Variants in ZNF493 observed in about 807,000 individuals in gnomAD.
ZNF493 encodes zinc finger protein 493.
A neutral mutation model predicts 12.2 loss-of-function variants in ZNF493; 11 were observed. The ratio of observed to expected loss-of-function variants is 0.90; its 90% confidence interval spans 0.57 to 1.50. The LOEUF (loss-of-function observed/expected upper bound fraction) is 1.50. ZNF493 is among the 40% of genes most tolerant of loss of function. The pLI, the probability that ZNF493 is intolerant of heterozygous loss-of-function variation, is 0.00. For missense variants in ZNF493, 950 were observed against 906.6 expected (o/e 1.05, Z -0.61); for synonymous variants, 286 against 302.6 (o/e 0.95, Z 0.57).
intron 3 of ZNF493, among the ~76,000 whole-genome samples, chr19:21,406,875 T>C (rs1006159224): frequency 2.0e-5 from 3 of 152,264 alleles, no homozygotes; most frequent in Admixed American, 6.5e-5. Flanking sequence ...TATAGATTAC[T>C]TTGGAGAATA....
chr19:21,415,821 G>A (rs2562405), intron 3 of ZNF493, among the ~76,000 whole-genome samples: 26,118 of 152,046 alleles, frequency 0.17, 2,537 homozygotes, highest in Non-Finnish European at 0.22. Flanking sequence ...CTCAGATAAA[G>A]GGATAGTAAA....
At chr19:21,398,451 C>G (rs1262348169) in intron 1 of ZNF493, 1 of 192,016 alleles carries the variant, frequency 5.2e-6, no homozygotes, top group Admixed American at 6.1e-5. Context: ...TCGAAGTTCT[C>G]CTTTGGAAAA....
chr19:21,406,892 T>A (rs1425629416), intron 3 of ZNF493, among the ~76,000 whole-genome samples: 1 of 152,176 alleles, frequency 6.6e-6, no homozygotes, highest in Non-Finnish European at 1.5e-5. Flanking sequence ...AATATGGTAC[T>A]TTAACAGTAT....
At chr19:21,422,434 TA>T (rs1230044902) in intron 3 of ZNF493, among the ~76,000 whole-genome samples, 2 of 103,452 alleles carry the variant, frequency 1.9e-5, no homozygotes, top group South Asian at 5.7e-4. Context: ...TTTATTTATT[TA>T]TTTATTTATT....
intron 3 of ZNF493, chr19:21,408,738 C>G: frequency 9.1e-6 from 9 of 984,914 alleles, no homozygotes; most frequent in Non-Finnish European, 1.1e-5. Flanking sequence ...ATTTGCAATT[C>G]TGTCTGTATA....
At chr19:21,400,444 C>T (rs867225174) in intron 1 of ZNF493, among the ~76,000 whole-genome samples, 2 of 151,776 alleles carry the variant, frequency 1.3e-5, no homozygotes, top group South Asian at 4.1e-4. Flanking sequence ...AATTTTTTTT[C>T]CCGTATGTGA....
At position 21,411,320 on chromosome 19, in the gene ZNF493, CTTTTTG is replaced by C. The variant is rs533718819; in HGVS notation, c.253+5467_253+5472del. 1.9e-3 allele frequency among the ~76,000 whole-genome samples: 283 copies of C among 152,210 alleles called. 2 individuals are homozygous for C. The highest frequency in any genetic ancestry group is 6.6e-3 in the African/African-American group (276 of 41,542). On this transcript the variant is annotated intron_variant, in intron 3 of 3. Coordinates refer to ENST00000392288, the MANE Select transcript of ZNF493 (RefSeq NM_001076678.3). ...TTTTTATCTTTGTGTAAGTATCACACTTTTTGTTATTGTAGCTTTTAATGTGTTTTG... is the reference window on the plus strand; with the variant it reads ...TTTTTATCTTTGTGTAAGTATCACACTTATTGTAGCTTTTAATGTGTTTTG...
chr19:21,423,762 A>C lies in ZNF493; in HGVS notation c.1103A>C (p.Lys368Thr), dbSNP rs757428180. The part of the protein sequence containing the change: ...YKESSHLTTH[K>T]RIHTGEKPYK... ...GAGTCCTCACACCTTACTACACATA[A>C]AAGAATTCATACTGGAGAGAAACCC... Residue 368 changes from lysine to threonine, a missense_variant, in exon 4 of 4, where the codon AAA (lysine) becomes ACA (threonine). Physicochemically the swap from Lys to Thr is moderately conservative, Grantham distance 78. Coordinates refer to ENST00000392288, the MANE Select transcript of ZNF493 (RefSeq NM_001076678.3). The C allele has an allele frequency of 6.2e-7, 1 of 1,613,294 alleles. No individual in the cohort carries two copies. The highest frequency in any genetic ancestry group is 2.2e-5 in the East Asian group (1 of 44,802).
intron 1 of ZNF493, 185 bp downstream of exon 1, chr19:21,397,452 G>A (rs1416489908): frequency 5.5e-6 from 4 of 726,484 alleles, no homozygotes; most frequent in Non-Finnish European, 4.9e-6. Flanking sequence ...AACAGCCGGG[G>A]CCCCGGGCGT....
intron 1 of ZNF493, among the ~76,000 whole-genome samples, chr19:21,400,745 G>T (rs886205285): frequency 6.6e-6 from 1 of 152,174 alleles, no homozygotes; most frequent in African/African-American, 2.4e-5. Flanking sequence ...GATAAAAGGG[G>T]ACAGGGAGGG....
chr19:21,400,617 T>C (rs2029905496), intron 1 of ZNF493, among the ~76,000 whole-genome samples: 1 of 152,144 alleles, frequency 6.6e-6, no homozygotes, highest in South Asian at 2.1e-4. Flanking sequence ...TAGTTTTTTT[T>C]CTGGAGAGCC....
intron 3 of ZNF493, among the ~76,000 whole-genome samples, chr19:21,414,896 T>A (rs1479620307): frequency 1.3e-5 from 2 of 152,218 alleles, no homozygotes; most frequent in African/African-American, 4.8e-5. Flanking sequence ...AACAGTTTTG[T>A]TTTAGGAAAA....
intron 3 of ZNF493, among the ~76,000 whole-genome samples, chr19:21,414,878 A>G (rs2030433710): frequency 6.6e-6 from 1 of 152,236 alleles, no homozygotes; most frequent in South Asian, 2.1e-4. Context: ...GTTAATTTCA[A>G]AAACTGAAAC....
At position 21,424,475 on chromosome 19, in the gene ZNF493, T is replaced by C; in HGVS notation, c.1816T>C (p.Cys606Arg). Residue 606 changes from cysteine (C) to arginine (R), a missense_variant, in exon 4 of 4, where the codon TGT (cysteine) becomes CGT (arginine). Cys to Arg is a radical substitution (Grantham distance 180). Coordinates refer to ENST00000392288, the MANE Select transcript of ZNF493 (RefSeq NM_001076678.3). ...TAAGAAACCCTACAAATGTGAAGAA[T>C]GTGGCAAAGCTTTTAACCGATCTTC... ...TDKKPYKCEE[C>R]GKAFNRSSIL... The C allele has an allele frequency of 6.2e-7, 1 of 1,613,362 alleles. No individual in the cohort carries two copies. The highest frequency in any genetic ancestry group is 8.5e-7 in the Non-Finnish European group (1 of 1,179,728).
At chr19:21,419,275 T>C (rs925178734) in intron 3 of ZNF493, among the ~76,000 whole-genome samples, 2 of 152,118 alleles carry the variant, frequency 1.3e-5, no homozygotes, top group African/African-American at 4.8e-5. Context: ...GGATAATTGA[T>C]TGGTGTTCAG....
chr19:21,420,655 T>TTTTTTTTTTTTTTTTC, intron 3 of ZNF493, among the ~76,000 whole-genome samples: 1 of 46,516 alleles, frequency 2.1e-5, no homozygotes, highest in Non-Finnish European at 3.8e-5. Flanking sequence ...TTTTTTTTTT[T>TTTTTTTTTTTTTTTTC]CAGAACTTTG....
chr19:21,427,518 C>T lies in ZNF493; in HGVS notation c.*2534C>T, dbSNP rs2030885285. 2 of 151,916 alleles carry T rather than the reference C, an allele frequency of 1.3e-5. No homozygotes were observed. Among genetic ancestry groups the T allele is most frequent in the Non-Finnish European group, 2.9e-5 (2 of 68,006 alleles). 9.4% of individuals were successfully genotyped at this position (151,916 alleles called of 1,614,324 possible). ...AAATTCTGTGTGAAGGTAACTGTTT[C>T]AACATTTTTAACATGGTAAATATTA... On this transcript the variant is annotated 3_prime_UTR_variant, in exon 4 of 4. Coordinates refer to ENST00000392288, the MANE Select transcript of ZNF493 (RefSeq NM_001076678.3).
chr19:21,420,592 TATATATATATATATATATATATATA>T (rs2030629617), intron 3 of ZNF493, among the ~76,000 whole-genome samples: 2 of 6,622 alleles, frequency 3.0e-4, no homozygotes, highest in African/African-American at 2.0e-3. Flanking sequence ...CTCACTTGAT[TATATATATATATATATATATATATA>T]TATATATTTT....
chr19:21,404,481 A>G (rs1313590828), intron 1 of ZNF493, among the ~76,000 whole-genome samples: 2 of 152,216 alleles, frequency 1.3e-5, no homozygotes, highest in Non-Finnish European at 2.9e-5. Context: ...AGAGCTGTGC[A>G]TAAACCATCA....
Sources: gnomAD v4.1 joint callset for allele counts (sites outside exome capture counted in the v4.1 genomes callset) on GRCh38, gnomAD v4.1.1 for gene constraint, MANE v1.5 for transcripts, NCBI Gene and HGNC (gene_info 2026-07-23, HGNC 2026-07-21) for gene names.